The following AGO2 variants were observed in gnomAD, a reference collection of about 807,000 sequenced individuals.
The protein encoded by AGO2 is argonaute RISC catalytic component 2.
A neutral mutation model predicts 102.3 loss-of-function variants in AGO2; 5 were observed. The observed-to-expected ratio is 0.05, with a 90% CI of 0.03 to 0.10. The LOEUF (loss-of-function observed/expected upper bound fraction) is 0.10, where lower values mean the gene tolerates loss of function less well. AGO2 is among the 10% of genes least tolerant of loss of function. The pLI is 1.00. For synonymous variants in AGO2, 449 were observed against 473.1 expected (o/e 0.95, Z 0.66); for missense variants, 541 against 1,183.7 (o/e 0.46, Z 7.97).
chr8:140,534,274 C>T (rs2072655748), intron 17 of AGO2, among the ~76,000 whole-genome samples: 1 of 152,202 alleles, frequency 6.6e-6, no homozygotes, highest in African/African-American at 2.4e-5. Flanking sequence ...AAGCATCCCC[C>T]GTTAGAAAGA....
chr8:140,598,287 AAAAAG>A (rs950449833), intron 1 of AGO2, among the ~76,000 whole-genome samples: 18 of 152,236 alleles, frequency 1.2e-4, no homozygotes, highest in African/African-American at 4.1e-4. Flanking sequence ...CCACAGCACC[AAAAAG>A]AATTCTCTTC....
chr8:140,558,342 T>C, intron 7 of AGO2, 143 bp downstream of exon 7: 3 of 840,368 alleles, frequency 3.6e-6, no homozygotes, highest in South Asian at 3.1e-5. Context: ...TACTGAGCCA[T>C]GTAAGGGACA....
intron 2 of AGO2, among the ~76,000 whole-genome samples, chr8:140,581,491 C>A (rs564252646): frequency 6.6e-6 from 1 of 152,068 alleles, no homozygotes; most frequent in Admixed American, 6.6e-5. Context: ...TGCACTCCAA[C>A]CTGGGCAACA....
At chr8:140,576,623 C>T (rs74716847) in intron 2 of AGO2, among the ~76,000 whole-genome samples, 1 of 152,270 alleles carries the variant, frequency 6.6e-6, no homozygotes, top group African/African-American at 2.4e-5. Context: ...ATACCAAGAG[C>T]TGGTGAAGGC....
chr8:140,624,810 A>AT (rs2074255215), intron 1 of AGO2, among the ~76,000 whole-genome samples: 1 of 152,246 alleles, frequency 6.6e-6, no homozygotes, highest in Non-Finnish European at 1.5e-5. Context: ...ATCTGTCAAC[A>AT]AGACGATGCC....
chr8:140,567,239 G>A lies in AGO2; in HGVS notation c.337-4605C>T, dbSNP rs962491413. On this transcript the variant is annotated intron_variant, in intron 3 of 18. Transcript: ENST00000220592. This position sits in a 1 kb window ranked among gnomAD's most constrained non-coding sequence, Gnocchi z 5.0. The stretch of plus-strand genomic sequence containing the variant: ...CTCTGTAACTATCTGCCCATCCCAC[G>A]TCCACAGTGGCTGGCTGGTGCTCGT... Among the ~76,000 whole-genome samples, 1 of 152,250 alleles carries A rather than the reference G, an allele frequency of 6.6e-6. No homozygotes were observed. Among genetic ancestry groups the A allele is most frequent in the African/African-American group, 2.4e-5 (1 of 41,466 alleles).
At position 140,546,203 on chromosome 8, in the gene AGO2, C is replaced by T. The variant is rs1053191844; in HGVS notation, c.1748+1265G>A. Among the ~76,000 whole-genome samples, 4 of 152,230 alleles carry T rather than the reference C, an allele frequency of 2.6e-5. No homozygotes were observed. In the East Asian group the frequency reaches 5.8e-4, roughly 22 times the overall value. ...GTTTCACTGCAGAGCCCGCACCCCA[C>T]GCTCACAGCCGTTCCACTCGGAATC... On this transcript the variant is annotated intron_variant, in intron 13 of 18. Coordinates refer to ENST00000220592, the MANE Select transcript of AGO2 (RefSeq NM_012154.5).
intron 6 of AGO2, among the ~76,000 whole-genome samples, chr8:140,558,828 G>A (rs757322683): frequency 1.3e-5 from 2 of 152,276 alleles, no homozygotes; most frequent in African/African-American, 4.8e-5. Context: ...GCTGTTCTGC[G>A]CCCCCCATGG....
rs1156411831 is a variant in AGO2 at position 140,539,322 on chromosome 8, G to A, written c.2167C>T (p.Arg723Trp). Residue 723 changes from arginine to tryptophan, a missense_variant and splice_region_variant, in exon 16 of 19, where the codon CGG (arginine) becomes TGG (tryptophan). By Grantham distance (101) the Arg-to-Trp change is moderately radical. Transcript: ENST00000220592. The surrounding 1 kb of genome is among the most constrained non-coding windows in gnomAD (Gnocchi z 4.7). The part of the protein sequence containing the change: ...TRLFCTDKNE[R>W]VGKSGNIPAG... ...CCTGGAGTCATGCAGAAACTCACCC[G>A]CTCGTTCTTGTCAGTGCAGAAGAGC... 1.2e-6 allele frequency: 2 copies of A among 1,604,876 alleles called. No individual in the cohort carries two copies. The highest frequency in any genetic ancestry group is 1.7e-6 in the Non-Finnish European group (2 of 1,174,736).
chr8:140,534,769 T>C (rs2072665706), intron 17 of AGO2, among the ~76,000 whole-genome samples: 1 of 152,192 alleles, frequency 6.6e-6, no homozygotes, highest in African/African-American at 2.4e-5. Flanking sequence ...GCCCCTCTGA[T>C]CAAGCTCTCT....
intron 1 of AGO2, among the ~76,000 whole-genome samples, chr8:140,597,474 ACCCC>A (rs1163320106): frequency 4.4e-5 from 2 of 45,242 alleles, no homozygotes; most frequent in Admixed American, 6.3e-4. Context: ...TGGCCCCCCC[ACCCC>A]CCCCCCCCCG....
chr8:140,541,421 C>T, intron 14 of AGO2, 63 bp from the exon 15 acceptor site: 5 of 1,444,960 alleles, frequency 3.5e-6, no homozygotes, highest in Non-Finnish European at 4.6e-6. Context: ...TGGGCATGTG[C>T]CTGGACTCTC....
At chr8:140,541,900 TCAAAAACAAAAA>T (rs537244456) in intron 14 of AGO2, among the ~76,000 whole-genome samples, 11 of 152,096 alleles carry the variant, frequency 7.2e-5, no homozygotes, top group East Asian at 3.9e-4. Flanking sequence ...AGACTCTATC[TCAAAAACAAAAA>T]CAAAAACAAA....
chr8:140,602,381 G>A (rs779769180), intron 1 of AGO2, among the ~76,000 whole-genome samples: 8 of 152,234 alleles, frequency 5.3e-5, no homozygotes, highest in Admixed American at 1.3e-4. Context: ...CCAGCATTTC[G>A]ACTCAGCATT....
chr8:140,630,050 C>T (rs138879644), intron 1 of AGO2, among the ~76,000 whole-genome samples: 10 of 152,030 alleles, frequency 6.6e-5, no homozygotes, highest in Non-Finnish European at 1.5e-4. Flanking sequence ...CAGCTCACAA[C>T]GGGGACACGC....
At chr8:140,535,789 G>A (rs551283031) in intron 16 of AGO2, among the ~76,000 whole-genome samples, 45 of 152,298 alleles carry the variant, frequency 3.0e-4, no homozygotes, top group Non-Finnish European at 5.7e-4. Flanking sequence ...GTTATTTTCC[G>A]CCAACTCTCA....
At position 140,567,513 on chromosome 8, in the gene AGO2, C is replaced by G. The variant is rs2073306879; in HGVS notation, c.337-4879G>C. 6.6e-6 allele frequency among the ~76,000 whole-genome samples: 1 copy of G among 152,244 alleles called. No individual in the cohort carries two copies. Among genetic ancestry groups the G allele is most frequent in the South Asian group, 2.1e-4 (1 of 4,830 alleles). Reference sequence around the variant, plus strand: ...CTCGGGCAGGTGGCTCCGTTGGCTTCCTGCACACAAGGGGACAAGCAGGTG... The same window carrying G: ...CTCGGGCAGGTGGCTCCGTTGGCTTGCTGCACACAAGGGGACAAGCAGGTG... On this transcript the variant is annotated intron_variant, in intron 3 of 18. Coordinates refer to ENST00000220592, the MANE Select transcript of AGO2 (RefSeq NM_012154.5). The surrounding 1 kb of genome is among the most constrained non-coding windows in gnomAD (Gnocchi z 5.0).
Position 140,520,834 on chromosome 8 carries a change from A to G in AGO2, c.*11210T>C, listed in dbSNP as rs1001704178. 1 of 152,196 alleles carries G rather than the reference A, an allele frequency of 6.6e-6. No individual in the cohort carries two copies. Among genetic ancestry groups the G allele is most frequent in the Non-Finnish European group, 1.5e-5 (1 of 68,034 alleles). The allele number at this position is 152,196 out of a possible 1,614,324, so 9.4% of individuals were successfully genotyped here. On this transcript the variant is annotated 3_prime_UTR_variant, in exon 19 of 19. Transcript: ENST00000220592. ...TCAGAACATTATTGTCTGCTTATAAACACAGTGTCTGCCTCCTCAGGTGTA... is the reference window on the plus strand; with the variant it reads ...TCAGAACATTATTGTCTGCTTATAAGCACAGTGTCTGCCTCCTCAGGTGTA...
At position 140,522,269 on chromosome 8, in the gene AGO2, C is replaced by A. The variant is rs2072427112; in HGVS notation, c.*9775G>T. On this transcript the variant is annotated 3_prime_UTR_variant, in exon 19 of 19. Coordinates refer to ENST00000220592, the MANE Select transcript of AGO2 (RefSeq NM_012154.5). ...GTATCTCACTGTTTGGTTACTTTTT[C>A]CAATTTAATTTGACAGACTTAGTAA... 6.6e-6 allele frequency: 1 copy of A among 152,048 alleles called. No individual in the cohort carries two copies. The highest frequency in any genetic ancestry group is 1.5e-5 in the Non-Finnish European group (1 of 68,002). 9.4% of individuals were successfully genotyped at this position (152,048 alleles called of 1,614,324 possible).
Sources: allele counts gnomAD v4.1 joint callset (sites outside exome capture counted in the v4.1 genomes callset), GRCh38; gene constraint gnomAD v4.1.1; non-coding constraint Gnocchi (gnomAD v3.1); transcripts MANE v1.5; gene names NCBI Gene and HGNC (gene_info 2026-07-23, HGNC 2026-07-21).